COL6A3: variants seen among roughly 807,000 people sequenced by gnomAD.
COL6A3 encodes collagen type VI alpha 3 chain, also known as collagen alpha-3(VI) chain.
COL6A3 carries 137 observed loss-of-function variants against 274.1 expected under a neutral mutation model. That is an observed-to-expected ratio of 0.50 (90% confidence interval 0.44 to 0.58). The LOEUF is 0.58. Among genes scored for constraint, COL6A3 ranks in the 20% least tolerant of loss-of-function variants. COL6A3 has a pLI of 0.00. For synonymous variants in COL6A3, 1,650 were observed against 1,650.6 expected, an observed-to-expected ratio of 1.00 and a Z score of 0.01; for missense variants, 3,950 against 4,124.9, an observed-to-expected ratio of 0.96 and a Z score of 1.16.
intron 24 of COL6A3, among the ~76,000 whole-genome samples, chr2:237,353,747 C>T (rs184425858): frequency 1.1e-4 from 17 of 152,270 alleles, no homozygotes; most frequent in Non-Finnish European, 1.6e-4. Flanking sequence ...AAGAGGCGCC[C>T]GCCCGGGACA....
intron 31 of COL6A3, among the ~76,000 whole-genome samples, chr2:237,347,460 G>A (rs142281846): frequency 3.3e-5 from 5 of 152,344 alleles, no homozygotes; most frequent in Non-Finnish European, 7.3e-5. Flanking sequence ...CACTCCCATT[G>A]CCTGGCCGTC....
At chr2:237,351,937 G>C (rs1192295967) in intron 26 of COL6A3, among the ~76,000 whole-genome samples, 1 of 152,214 alleles carries the variant, frequency 6.6e-6, no homozygotes, top group Non-Finnish European at 1.5e-5. Flanking sequence ...GGTAATAAAT[G>C]ATAGGATGCC....
chr2:237,375,129 C>T lies in COL6A3; in HGVS notation c.3071-109G>A, dbSNP rs143665119. On this transcript the variant is annotated intron_variant, in intron 7 of 43. Transcript: ENST00000295550. ...ACAGGGATGTCCAAGTCCAAATCCCCGAACTTGAGAAAAGGACTTTGCAGA... is the reference window on the plus strand; with the variant it reads ...ACAGGGATGTCCAAGTCCAAATCCCTGAACTTGAGAAAAGGACTTTGCAGA... 6.1e-4 allele frequency: 928 copies of T among 1,519,442 alleles called. 3 individuals are homozygous for T. In the African/African-American group the frequency reaches 8.5e-3, roughly 14 times the overall value. 94.1% of individuals were successfully genotyped at this position (1,519,442 alleles called of 1,614,324 possible). A position where few individuals can be genotyped will look rare whatever the true frequency, so the allele number is the denominator to read the frequency against.
In COL6A3 at chr2:237,343,973, T is replaced by C. The variant is rs1448492572; in HGVS notation, c.7668+377A>G. The C allele has an allele frequency of 2.0e-5, 7 of 356,012 alleles. No individual in the cohort carries two copies. In the Admixed American group the frequency reaches 2.3e-4, roughly 12 times the overall value. 22.1% of individuals were successfully genotyped at this position (356,012 alleles called of 1,614,324 possible). On this transcript the variant is annotated intron_variant, in intron 36 of 43. Transcript: ENST00000295550. ...GTACACAGTAAGACACAGCTCAGAG[T>C]GTGCACAGGGGGCCATCTTGGGAGG... is the stretch of plus-strand genomic sequence containing the variant.
rs771860973 is a variant in COL6A3 at position 237,367,381 on chromosome 2, A to G, written c.4901-95T>C. 3.6e-6 allele frequency: 5 copies of G among 1,407,092 alleles called. No individual in the cohort carries two copies. In the East Asian group the frequency reaches 1.2e-4, roughly 33 times the overall value. The allele number at this position is 1,407,092 out of a possible 1,614,324, so 87.2% of individuals were successfully genotyped here. On this transcript the variant is annotated intron_variant, in intron 10 of 43. Coordinates refer to ENST00000295550, the MANE Select transcript of COL6A3 (RefSeq NM_004369.4). Reference sequence around the variant, plus strand: ...TAAAATTAAATAACTGAAATAAGACATTCCTAATAATTTATTCACAGTGAA... The same window carrying G: ...TAAAATTAAATAACTGAAATAAGACGTTCCTAATAATTTATTCACAGTGAA...
intron 26 of COL6A3, 73 bp from the exon 27 acceptor site, chr2:237,351,265 T>C: frequency 6.9e-7 from 1 of 1,441,858 alleles, no homozygotes; most frequent in Admixed American, 1.7e-5. Context: ...GAAACCTGAC[T>C]CTCCCCTGCA....
At chr2:237,395,413 C>A (rs1315572137) in intron 2 of COL6A3, among the ~76,000 whole-genome samples, 1 of 152,170 alleles carries the variant, frequency 6.6e-6, no homozygotes, top group Non-Finnish European at 1.5e-5. Flanking sequence ...CAGTCACTAG[C>A]CCAAGTTCCA....
Position 237,367,321 on chromosome 2 carries a change from A to C in COL6A3, c.4901-35T>G, listed in dbSNP as rs367742697. 17 of 1,597,180 alleles carry C rather than the reference A, an allele frequency of 1.1e-5. No homozygotes were observed. In the African/African-American group the frequency reaches 2.3e-4, roughly 22 times the overall value. ...ATTAAAGTGAAAATAAGGAGAGATTAGGTTTCCAGACCCAGAACATAAATA... is the reference window on the plus strand; with the variant it reads ...ATTAAAGTGAAAATAAGGAGAGATTCGGTTTCCAGACCCAGAACATAAATA... On this transcript the variant is annotated intron_variant, in intron 10 of 43. Coordinates refer to ENST00000295550, the MANE Select transcript of COL6A3 (RefSeq NM_004369.4).
In COL6A3 at chr2:237,374,311, T is replaced by A. The variant is rs566538411; in HGVS notation, c.3679+101A>T. ...CTGTAATTTTAGTTTTCACTTCACA[T>A]GGCAGGAAAAGCAAAATTGAGAACA... On this transcript the variant is annotated intron_variant, in intron 8 of 43. Coordinates refer to ENST00000295550, the MANE Select transcript of COL6A3 (RefSeq NM_004369.4). This position sits in a 1 kb window ranked among gnomAD's most constrained non-coding sequence, Gnocchi z 4.8. The A allele has an allele frequency of 2.6e-6, 4 of 1,549,660 alleles. No individual in the cohort carries two copies. Among genetic ancestry groups the A allele is most frequent in the Non-Finnish European group, 3.5e-6 (4 of 1,136,820 alleles).
At chr2:237,411,077 C>T (rs1334099817) in intron 1 of COL6A3, among the ~76,000 whole-genome samples, 2 of 152,172 alleles carry the variant, frequency 1.3e-5, no homozygotes, top group Non-Finnish European at 2.9e-5. Context: ...GTGTTTTTTA[C>T]TGCCTGCTTG....
chr2:237,376,920 T>C lies in COL6A3; in HGVS notation c.2922A>G (p.Gln974=), dbSNP rs1434196866. ...ACTCAGCAGGGTCTGCGTTCTTGGC[T>C]TGGAAGATGAAAGGCACAACCCCAC... ...KQSGVVPFIF[Q]AKNADPAELE... The change falls in exon 7 of 44, where the codon CAA becomes CAG. Residue 974 remains glutamine, a synonymous_variant. Transcript: ENST00000295550. The C allele has an allele frequency of 1.2e-6, 2 of 1,614,208 alleles. No individual in the cohort carries two copies. Among genetic ancestry groups the C allele is most frequent in the South Asian group, 2.2e-5 (2 of 91,078 alleles).
At chr2:237,397,219 GGGAA>G (rs1444865065) in intron 1 of COL6A3, among the ~76,000 whole-genome samples, 2 of 141,798 alleles carry the variant, frequency 1.4e-5, no homozygotes, top group African/African-American at 2.7e-5. Flanking sequence ...AGTGAAAGAA[GGGAA>G]GGAAGGAAGA....
chr2:237,328,934 T>TACTTCC (rs1700087462), intron 42 of COL6A3: 1 of 152,236 alleles, frequency 6.6e-6, no homozygotes, highest in South Asian at 2.1e-4. Context: ...CAGTATAAAG[T>TACTTCC]ACTTCCATAC....
Position 237,364,350 on chromosome 2 carries a change from C to T in COL6A3, c.5917G>A (p.Gly1973Arg). 6.2e-7 allele frequency: 1 copy of T among 1,613,462 alleles called. No individual in the cohort carries two copies. Among genetic ancestry groups the T allele is most frequent in the Non-Finnish European group, 8.5e-7 (1 of 1,179,512 alleles). The change falls in exon 13 of 44, where the codon GGA becomes AGA. Residue 1973 changes from glycine to arginine, a missense_variant and splice_region_variant. Physicochemically the swap from Gly to Arg is moderately radical, Grantham distance 125. Coordinates refer to ENST00000295550, the MANE Select transcript of COL6A3 (RefSeq NM_004369.4). The surrounding 1 kb of genome is among the most constrained non-coding windows in gnomAD (Gnocchi z 4.6). ...ATATTTAGAAAGCCTTGGCACCTAC[C>T]TTCTTGGCGGAGGTTCTCAGATGCT... is the stretch of plus-strand genomic sequence containing the variant. ...HRASENLRQE[G>R]VRALILVGLE...
At chr2:237,339,183 T>A in intron 38 of COL6A3, 66 bp from the exon 39 acceptor site, 1 of 1,113,366 alleles carries the variant, frequency 9.0e-7, no homozygotes, top group Non-Finnish European at 1.4e-6. Context: ...AAAATTAATC[T>A]GTCAACAAGT....
intron 10 of COL6A3, among the ~76,000 whole-genome samples, chr2:237,367,824 T>C (rs1030180520): frequency 6.6e-6 from 1 of 152,168 alleles, no homozygotes; most frequent in Non-Finnish European, 1.5e-5. Flanking sequence ...TGGCTGAATA[T>C]CAGTGGTGTG....
In COL6A3 at chr2:237,371,715, C is replaced by T. The variant is rs3791000; in HGVS notation, c.4285+17G>A. ...TGGAAAATGCTCCAAGGAGAACCTCCGACGCCCCCATCTCACCTGGAGGTG... is the reference window on the plus strand; with the variant it reads ...TGGAAAATGCTCCAAGGAGAACCTCTGACGCCCCCATCTCACCTGGAGGTG... On this transcript the variant is annotated intron_variant, in intron 9 of 43. Transcript: ENST00000295550. The surrounding 1 kb of genome is among the most constrained non-coding windows in gnomAD (Gnocchi z 4.3). The T allele has an allele frequency of 4.6e-3, 7,283 of 1,573,014 alleles. 158 individuals carry two copies. Among genetic ancestry groups the T allele is most frequent in the East Asian group, 0.039 (1,738 of 44,356 alleles).
intron 37 of COL6A3, 115 bp from the exon 38 acceptor site, chr2:237,341,265 G>C (rs2076981940): frequency 2.7e-6 from 3 of 1,094,504 alleles, no homozygotes; most frequent in Non-Finnish European, 4.1e-6. Context: ...TCAAAAGCGG[G>C]CCGGAAGCGG....
intron 28 of COL6A3, among the ~76,000 whole-genome samples, chr2:237,349,897 C>A (rs572221275): frequency 5.2e-4 from 79 of 152,312 alleles, no homozygotes; most frequent in African/African-American, 1.8e-3. Context: ...CCTCTACATT[C>A]TCTTGTATCA....
Sources: allele counts gnomAD v4.1 joint callset (sites outside exome capture counted in the v4.1 genomes callset), GRCh38; gene constraint gnomAD v4.1.1; non-coding constraint Gnocchi (gnomAD v3.1); transcripts MANE v1.5; gene names NCBI Gene and HGNC (gene_info 2026-07-23, HGNC 2026-07-21).